DYM: variants seen among roughly 807,000 people sequenced by gnomAD.
DYM encodes dyggve-Melchior-Clausen syndrome protein.
DYM carries 78 observed loss-of-function variants against 93.1 expected under a neutral mutation model. The observed-to-expected ratio is 0.84, with a 90% CI of 0.70 to 1.01. The LOEUF (loss-of-function observed/expected upper bound fraction) is 1.01, where lower values mean the gene tolerates loss of function less well. DYM is among the 50% of genes least tolerant of loss of function. The pLI is 0.00. For missense variants in DYM, 789 were observed against 845.0 expected, an observed-to-expected ratio of 0.93 and a Z score of 0.82; for synonymous variants, 321 against 319.7, an observed-to-expected ratio of 1.00 and a Z score of -0.04.
At chr18:49,404,098 C>G (rs559372248) in intron 2 of DYM, among the ~76,000 whole-genome samples, 1 of 152,120 alleles carries the variant, frequency 6.6e-6, no homozygotes, top group Non-Finnish European at 1.5e-5. Context: ...ACCTCCGCCT[C>G]CCGGATTCAA....
At chr18:49,379,007 A>C (rs2067787997) in intron 4 of DYM, among the ~76,000 whole-genome samples, 1 of 152,182 alleles carries the variant, frequency 6.6e-6, no homozygotes, top group Non-Finnish European at 1.5e-5. Context: ...ATTAAAAGAG[A>C]AGAAAGCTAC....
intron 2 of DYM, 75 bp downstream of exon 2, chr18:49,430,180 T>C: frequency 7.1e-7 from 1 of 1,403,948 alleles, no homozygotes; most frequent in East Asian, 2.3e-5. Context: ...ATTTCTAAAT[T>C]TTTTTTTAAT....
At chr18:49,392,186 T>C (rs1221599582) in intron 2 of DYM, among the ~76,000 whole-genome samples, 1 of 152,030 alleles carries the variant, frequency 6.6e-6, no homozygotes, top group Non-Finnish European at 1.5e-5. Flanking sequence ...CAGAAACAGA[T>C]ACAGAGACAG....
chr18:49,170,870 A>T (rs2088616136), intron 14 of DYM, among the ~76,000 whole-genome samples: 1 of 151,860 alleles, frequency 6.6e-6, no homozygotes, highest in Non-Finnish European at 1.5e-5. Flanking sequence ...TCACTTAAAT[A>T]AGAAGTAGGA....
Position 49,333,865 on chromosome 18 carries a change from GA to G in DYM, c.495-13del. 1 of 1,602,376 alleles carries G rather than the reference GA, an allele frequency of 6.2e-7. No individual in the cohort carries two copies. The highest frequency in any genetic ancestry group is 8.5e-7 in the Non-Finnish European group (1 of 1,172,260). On this transcript the variant is annotated splice_polypyrimidine_tract_variant and intron_variant, in intron 6 of 17. Coordinates refer to ENST00000675505, the MANE Select transcript of DYM (RefSeq NM_001353214.3). Reference sequence around the variant, plus strand: ...CATATGTAATATCTCTAAAATGGAAGAAAAACAGAGTAACAGTCACTTTGGA... The same window carrying G: ...CATATGTAATATCTCTAAAATGGAAGAAAACAGAGTAACAGTCACTTTGGA...
rs1287276603 is a variant in DYM at position 49,272,161 on chromosome 18, A to G, written c.1251+17T>C. 6.2e-7 allele frequency: 1 copy of G among 1,610,694 alleles called. No individual in the cohort carries two copies. Among genetic ancestry groups the G allele is most frequent in the Non-Finnish European group, 8.5e-7 (1 of 1,177,358 alleles). On this transcript the variant is annotated intron_variant, in intron 11 of 17. Transcript: ENST00000675505. ...GTTCTGTTAACTCTAACTCTAATCC[A>G]AGTAATGGTAACTTACCACTTCATG...
chr18:49,315,965 T>C (rs77998878), intron 8 of DYM, among the ~76,000 whole-genome samples: 11,747 of 151,204 alleles, frequency 0.078, 764 homozygotes, highest in East Asian at 0.31. Flanking sequence ...GCTAAAAATA[T>C]ACATGTATTT....
intron 16 of DYM, among the ~76,000 whole-genome samples, chr18:49,115,168 G>GT (rs1194207027): frequency 6.6e-6 from 1 of 152,234 alleles, no homozygotes; most frequent in African/African-American, 2.4e-5. Context: ...GTTATTGCAC[G>GT]TAAGTGCTTA....
intron 6 of DYM, among the ~76,000 whole-genome samples, chr18:49,336,327 A>G (rs1343772254): frequency 6.6e-6 from 1 of 152,162 alleles, no homozygotes; most frequent in East Asian, 1.9e-4. Context: ...TTCTCCTTCA[A>G]AATTAATTGG....
In DYM at chr18:49,437,148, C is replaced by G. The variant is rs77127375; in HGVS notation, c.-53-6701G>C. Among the ~76,000 whole-genome samples, 19 of 152,222 alleles carry G rather than the reference C, an allele frequency of 1.2e-4. 1 individual carries two copies. In the East Asian group the frequency reaches 3.3e-3, roughly 26 times the overall value. On this transcript the variant is annotated intron_variant, in intron 1 of 17. Coordinates refer to ENST00000675505, the MANE Select transcript of DYM (RefSeq NM_001353214.3). The stretch of plus-strand genomic sequence containing the variant: ...TTCAAAGGATAGACAGTGAAAATCT[C>G]CTTCCCATCCCATCTTCTAACCACC...
intron 15 of DYM, among the ~76,000 whole-genome samples, chr18:49,150,548 A>T (rs2085700019): frequency 6.6e-6 from 1 of 152,232 alleles, no homozygotes; most frequent in Non-Finnish European, 1.5e-5. Flanking sequence ...AACTGTGCTG[A>T]CACTCCATCT....
At chr18:49,202,572 A>C (rs1358862053) in intron 14 of DYM, among the ~76,000 whole-genome samples, 2 of 117,804 alleles carry the variant, frequency 1.7e-5, no homozygotes, top group Admixed American at 8.5e-5. Flanking sequence ...AGCCGCCATC[A>C]CATCTAGGAA....
intron 8 of DYM, among the ~76,000 whole-genome samples, chr18:49,312,880 T>G (rs533203642): frequency 6.6e-6 from 1 of 152,118 alleles, no homozygotes. Flanking sequence ...AAAGGTAGAA[T>G]AGAAGCACAG....
At chr18:49,111,430 T>C (rs1309277146) in intron 16 of DYM, among the ~76,000 whole-genome samples, 1 of 152,186 alleles carries the variant, frequency 6.6e-6, no homozygotes, top group Non-Finnish European at 1.5e-5. Context: ...TTATGTCTCA[T>C]AATGCTTGGC....
chr18:49,421,204 G>A (rs575465443), intron 2 of DYM, among the ~76,000 whole-genome samples: 1 of 152,330 alleles, frequency 6.6e-6, no homozygotes, highest in East Asian at 1.9e-4. Flanking sequence ...GCCTCCTCAA[G>A]TGGGTCCCTG....
intron 3 of DYM, among the ~76,000 whole-genome samples, chr18:49,387,433 T>A (rs1398879535): frequency 6.6e-6 from 1 of 152,068 alleles, no homozygotes. Flanking sequence ...ACTGCCATCA[T>A]GCCCAGTTAA....
At chr18:49,090,132 G>A (rs2078910957) in intron 17 of DYM, among the ~76,000 whole-genome samples, 1 of 152,188 alleles carries the variant, frequency 6.6e-6, no homozygotes, top group Non-Finnish European at 1.5e-5. Context: ...CCATTTATAA[G>A]CCTGTGTTTA....
intron 14 of DYM, among the ~76,000 whole-genome samples, chr18:49,176,574 CTTTTTTTT>C (rs36121103): frequency 1.0e-5 from 1 of 99,438 alleles, no homozygotes; most frequent in African/African-American, 4.2e-5. Context: ...CCAAGCCTGG[CTTTTTTTT>C]TTTTTTTTTT....
intron 11 of DYM, among the ~76,000 whole-genome samples, chr18:49,262,502 A>G (rs2094505069): frequency 6.6e-6 from 1 of 152,138 alleles, no homozygotes; most frequent in African/African-American, 2.4e-5. Flanking sequence ...AAACTAACAC[A>G]CATCTGGTTT....
Sources: gnomAD v4.1 joint callset for allele counts (sites outside exome capture counted in the v4.1 genomes callset) on GRCh38, gnomAD v4.1.1 for gene constraint, MANE v1.5 for transcripts, NCBI Gene and HGNC (gene_info 2026-07-23, HGNC 2026-07-21) for gene names.